The following TBK1 variants were observed in gnomAD, a reference collection of about 807,000 sequenced individuals.
TBK1 encodes serine/threonine-protein kinase TBK1.
Under a neutral mutation model 99.9 loss-of-function variants are expected in TBK1, and 37 were observed. The ratio of observed to expected loss-of-function variants is 0.37; its 90% CI spans 0.28 to 0.49. The LOEUF is 0.49. TBK1 is among the 20% of genes least tolerant of loss of function. The pLI, the probability that TBK1 is intolerant of heterozygous loss-of-function variation, is 0.98. For missense variants in TBK1, 644 were observed against 872.5 expected, an observed-to-expected ratio of 0.74 and a Z score of 3.30; for synonymous variants, 258 against 279.8, an observed-to-expected ratio of 0.92 and a Z score of 0.78.
intron 3 of TBK1, among the ~76,000 whole-genome samples, chr12:64,462,696 G>A (rs1232113280): frequency 6.6e-6 from 1 of 151,750 alleles, no homozygotes; most frequent in East Asian, 1.9e-4. Context: ...AAAAAAATTA[G>A]AAAAGAAACA....
chr12:64,460,151 T>A, intron 2 of TBK1, 38 bp from the exon 3 acceptor site: 1 of 1,351,934 alleles, frequency 7.4e-7, no homozygotes, highest in Non-Finnish European at 9.9e-7. Context: ...TTTTACAATA[T>A]TATGAATAAA....
intron 6 of TBK1, among the ~76,000 whole-genome samples, chr12:64,478,356 C>T (rs1429303098): frequency 6.6e-6 from 1 of 152,070 alleles, no homozygotes. Flanking sequence ...CACCACGTTG[C>T]CCAGGCTGGT....
In TBK1 at chr12:64,494,014, C is replaced by T. The variant is rs559662240; in HGVS notation, c.1522-1469C>T. ...TACTTATTATTGCTCTACTGTTGGTCCTTTAGTTTGCTTTTCACTCTTCTA... is the reference window on the plus strand; with the variant it reads ...TACTTATTATTGCTCTACTGTTGGTTCTTTAGTTTGCTTTTCACTCTTCTA... On this transcript the variant is annotated intron_variant, in intron 13 of 20. Transcript: ENST00000331710. Among the ~76,000 whole-genome samples the T allele has an allele frequency of 2.6e-5, 4 of 152,056 alleles. No individual in the cohort carries two copies. In the South Asian group the frequency reaches 8.3e-4, roughly 32 times the overall value.
rs186367529 is a variant in TBK1 at position 64,486,562 on chromosome 12, G to A, written c.1340+545G>A. Among the ~76,000 whole-genome samples, 20 of 151,256 alleles carry A rather than the reference G, an allele frequency of 1.3e-4. No individual in the cohort carries two copies. The East Asian group carries it at 3.5e-3, about 26-fold the overall frequency. On this transcript the variant is annotated intron_variant, in intron 11 of 20. Coordinates refer to ENST00000331710, the MANE Select transcript of TBK1 (RefSeq NM_013254.4). ...TGATCCTACCACCTCACCTTCCCAA[G>A]TACCTGGGACTATAGGCATGCCCCA...
At chr12:64,455,799 A>G (rs2040480730) in intron 1 of TBK1, 41 bp from the exon 2 acceptor site, 3 of 1,015,550 alleles carry the variant, frequency 3.0e-6, no homozygotes, top group Admixed American at 4.5e-5. Context: ...TAGCTGTGTT[A>G]CTCCCTTAAA....
In TBK1 at chr12:64,496,373, C is replaced by A; in HGVS notation, c.1727C>A (p.Ala576Asp). 1.7e-6 allele frequency: 2 copies of A among 1,202,908 alleles called. No homozygotes were observed. The highest frequency in any genetic ancestry group is 1.2e-6 in the Non-Finnish European group (1 of 853,440). The allele number at this position is 1,202,908 out of a possible 1,614,324, so 74.5% of individuals were successfully genotyped here. A position where few individuals can be genotyped will look rare whatever the true frequency, so the allele number is the denominator to read the frequency against. Residue 576 changes from alanine (A) to aspartate (D), a missense_variant, in exon 16 of 21, where the codon GCT becomes GAT. Physicochemically the swap from Ala to Asp is moderately radical, Grantham distance 126. This residue lies in a region of TBK1 where 465 missense variants were observed against 588.0 expected (regional missense o/e 0.79). Coordinates refer to ENST00000331710, the MANE Select transcript of TBK1 (RefSeq NM_013254.4). Reference sequence around the variant, plus strand: ...TATATTTTCCTATTTCTAGGATTAGCTTATAATGAAGAACAAATCCACAAA... The same window carrying A: ...TATATTTTCCTATTTCTAGGATTAGATTATAATGAAGAACAAATCCACAAA... ...FKKDKAERRL[A>D]YNEEQIHKFD...
At chr12:64,453,601 C>T (rs947699686) in intron 1 of TBK1, among the ~76,000 whole-genome samples, 4 of 152,122 alleles carry the variant, frequency 2.6e-5, no homozygotes, top group Admixed American at 2.0e-4. Flanking sequence ...ATTTTCCTAA[C>T]CCAGCTTGGG....
intron 3 of TBK1, among the ~76,000 whole-genome samples, chr12:64,462,620 C>CT (rs2040558818): frequency 1.3e-5 from 2 of 151,598 alleles, no homozygotes; most frequent in Non-Finnish European, 2.9e-5. Flanking sequence ...ATTTCTCTCT[C>CT]TTTTTTGAAA....
intron 13 of TBK1, among the ~76,000 whole-genome samples, chr12:64,492,572 C>T (rs1015090947): frequency 3.3e-5 from 5 of 152,198 alleles, no homozygotes; most frequent in Admixed American, 1.3e-4. Context: ...TCCCAAAGTG[C>T]TGGGATTACA....
At position 64,497,733 on chromosome 12, in the gene TBK1, C is replaced by A; in HGVS notation, c.2045C>A (p.Thr682Lys). ...ACCCCAATTTATCCAAGTTCTAACA[C>A]ATTAGTAGAAATGACTCTTGGGTAA... Reference protein sequence around the residue: ...TMTPIYPSSNTLVEMTLGMKK... With the variant: ...TMTPIYPSSNKLVEMTLGMKK... Residue 682 changes from threonine (T) to lysine (K), a missense_variant, in exon 19 of 21, where the codon ACA becomes AAA. Physicochemically the swap from Thr to Lys is moderately conservative, Grantham distance 78. This residue lies in a region of TBK1 where 465 missense variants were observed against 588.0 expected (regional missense o/e 0.79). Coordinates refer to ENST00000331710, the MANE Select transcript of TBK1 (RefSeq NM_013254.4). The A allele has an allele frequency of 6.2e-7, 1 of 1,601,914 alleles. No homozygotes were observed. The highest frequency in any genetic ancestry group is 1.1e-5 in the South Asian group (1 of 88,320).
chr12:64,458,209 G>A (rs938339390), intron 2 of TBK1, among the ~76,000 whole-genome samples: 4 of 151,932 alleles, frequency 2.6e-5, no homozygotes, highest in Non-Finnish European at 5.9e-5. Flanking sequence ...AACCATATTT[G>A]TTCTTAATGA....
At chr12:64,497,568 A>G (rs1026261774) in intron 18 of TBK1, 80 bp from the exon 19 acceptor site, 2 of 917,526 alleles carry the variant, frequency 2.2e-6, no homozygotes, top group Admixed American at 5.7e-5. Context: ...GTAACACTTG[A>G]TGTCAGATCT....
At chr12:64,460,068 T>C (rs1200689795) in intron 2 of TBK1, 121 bp from the exon 3 acceptor site, 3 of 576,576 alleles carry the variant, frequency 5.2e-6, no homozygotes, top group African/African-American at 1.9e-5. Context: ...AGATTCCCTG[T>C]GCCTAAAAGA....
Position 64,495,637 on chromosome 12 carries a change from T to C in TBK1, c.1643+33T>C, listed in dbSNP as rs149784987. On this transcript the variant is annotated intron_variant, in intron 14 of 20. Coordinates refer to ENST00000331710, the MANE Select transcript of TBK1 (RefSeq NM_013254.4). ...ATAGCTTTATGCGTAGTTTCTGCTC[T>C]TATTAATGTCCTTTTTCACATTGAC... The C allele has an allele frequency of 2.7e-3, 4,370 of 1,613,060 alleles. 14 individuals are homozygous for C. Among genetic ancestry groups the C allele is most frequent in the Non-Finnish European group, 3.4e-3 (3,971 of 1,179,764 alleles).
chr12:64,468,853 G>A (rs890516318), intron 5 of TBK1, among the ~76,000 whole-genome samples: 3 of 152,104 alleles, frequency 2.0e-5, no homozygotes, highest in Admixed American at 6.5e-5. Flanking sequence ...GCTGTTCTGT[G>A]CCGTTCCCTG....
intron 1 of TBK1, among the ~76,000 whole-genome samples, chr12:64,453,800 A>G (rs1458513353): frequency 6.6e-6 from 1 of 152,320 alleles, no homozygotes; most frequent in African/African-American, 2.4e-5. Context: ...GAGCTTGGAT[A>G]CTTTGTATAC....
intron 13 of TBK1, among the ~76,000 whole-genome samples, chr12:64,491,695 A>G (rs1288087330): frequency 1.3e-5 from 2 of 152,002 alleles, no homozygotes; most frequent in Admixed American, 6.6e-5. Flanking sequence ...CATAAAATGG[A>G]TGTTAAATTA....
intron 5 of TBK1, among the ~76,000 whole-genome samples, chr12:64,469,722 A>G (rs531715486): frequency 2.6e-5 from 4 of 152,280 alleles, no homozygotes; most frequent in African/African-American, 9.6e-5. Context: ...GTGTCCTTCA[A>G]ATTCAATGAT....
chr12:64,493,292 TA>T (rs1388177607), intron 13 of TBK1, among the ~76,000 whole-genome samples: 1 of 152,108 alleles, frequency 6.6e-6, no homozygotes, highest in East Asian at 1.9e-4. Context: ...AAATGATGCT[TA>T]AAAGTTTTGT....
Sources: gnomAD v4.1 joint callset for allele counts (sites outside exome capture counted in the v4.1 genomes callset) on GRCh38, gnomAD v4.1.1 for gene constraint, gnomAD v4.1.1 regional missense constraint, MANE v1.5 for transcripts, NCBI Gene and HGNC (gene_info 2026-07-23, HGNC 2026-07-21) for gene names.